Variants in FIP1L1 observed in about 807,000 individuals in gnomAD.
FIP1L1 encodes pre-mRNA 3'-end-processing factor FIP1.
A neutral mutation model predicts 84.6 loss-of-function variants in FIP1L1; 21 were observed. The ratio of observed to expected loss-of-function variants is 0.25; its 90% CI spans 0.18 to 0.36. The LOEUF is 0.36. FIP1L1 is among the 10% of genes least tolerant of loss of function. The pLI, the probability that FIP1L1 is intolerant of heterozygous loss-of-function variation, is 1.00. For synonymous variants in FIP1L1, 263 were observed against 242.3 expected, an observed-to-expected ratio of 1.09 and a Z score of -0.80; for missense variants, 526 against 751.1, an observed-to-expected ratio of 0.70 and a Z score of 3.50.
chr4:53,451,711 T>A (rs1351822893), intron 15 of FIP1L1, among the ~76,000 whole-genome samples: 1 of 152,076 alleles, frequency 6.6e-6, no homozygotes, highest in African/African-American at 2.4e-5. Flanking sequence ...TTATATCCTA[T>A]TGTGGTTCAT....
At chr4:53,390,473 T>C (rs28575132) in intron 6 of FIP1L1, 48 bp from the exon 7 acceptor site, 87,274 of 1,179,902 alleles carry the variant, frequency 0.074, 8,223 homozygotes, top group African/African-American at 0.32. Context: ...TGGTATCGCC[T>C]GGCTTCTTGC....
intron 10 of FIP1L1, among the ~76,000 whole-genome samples, chr4:53,400,959 A>G (rs1187479675): frequency 6.6e-6 from 1 of 152,200 alleles, no homozygotes; most frequent in Admixed American, 6.5e-5. Context: ...TCTGCAGTAT[A>G]GAGTGATGGT....
At chr4:53,453,816 A>G (rs1478203102) in intron 16 of FIP1L1, among the ~76,000 whole-genome samples, 2 of 152,114 alleles carry the variant, frequency 1.3e-5, no homozygotes, top group Non-Finnish European at 2.9e-5. Context: ...GCCCAGGCTC[A>G]CTCTCTTAAA....
At chr4:53,458,236 T>G (rs1287956511) in intron 16 of FIP1L1, among the ~76,000 whole-genome samples, 1 of 152,184 alleles carries the variant, frequency 6.6e-6, no homozygotes, top group East Asian at 1.9e-4. Context: ...GTCCAAGACT[T>G]TCCAAGAATA....
intron 10 of FIP1L1, among the ~76,000 whole-genome samples, chr4:53,406,358 C>T (rs1225532373): frequency 6.6e-6 from 1 of 152,148 alleles, no homozygotes; most frequent in African/African-American, 2.4e-5. Flanking sequence ...AGGGATGAAG[C>T]CCACTTGATC....
chr4:53,436,184 C>A (rs376053016), intron 13 of FIP1L1, among the ~76,000 whole-genome samples: 4 of 152,142 alleles, frequency 2.6e-5, no homozygotes, highest in Non-Finnish European at 4.4e-5. Context: ...ACAAGTTACT[C>A]CAGAATGTAG....
chr4:53,440,436 G>C lies in FIP1L1; in HGVS notation c.1175-2217G>C, dbSNP rs141663383. 318 of 549,624 alleles carry C rather than the reference G, an allele frequency of 5.8e-4. No individual in the cohort carries two copies. In the East Asian group the frequency reaches 8.9e-3, roughly 15 times the overall value. 34.0% of individuals were successfully genotyped at this position (549,624 alleles called of 1,614,324 possible). A position where few individuals can be genotyped will look rare whatever the true frequency, so the allele number is the denominator to read the frequency against. On this transcript the variant is annotated intron_variant, in intron 13 of 17. Coordinates refer to ENST00000337488, the MANE Select transcript of FIP1L1 (RefSeq NM_030917.4). ...TATACTCGAATTGTTAGTCCTCTAC[G>C]AGAAAACAGAATGGTTCTCTTGAGT...
rs763569318 is a variant in FIP1L1, at chr4:53,425,920, C to T, written c.972C>T (p.Ser324=). 5.0e-6 allele frequency: 8 copies of T among 1,611,948 alleles called. 1 individual carries two copies. In the South Asian group the frequency reaches 8.8e-5, roughly 18 times the overall value. The change falls in exon 12 of 18, where the codon AGC becomes AGT. Residue 324 remains serine, a synonymous_variant. Coordinates refer to ENST00000337488, the MANE Select transcript of FIP1L1 (RefSeq NM_030917.4). The part of the protein sequence containing the change: ...IDVIGQTITI[S]RVEGRRRANE... ...TTATCGGTCAGACTATAACTATCAG[C>T]CGAGTAGAAGGCAGGCGACGGGCAA... is the stretch of plus-strand genomic sequence containing the variant.
intron 16 of FIP1L1, among the ~76,000 whole-genome samples, chr4:53,456,211 G>C (rs1330918621): frequency 6.6e-6 from 1 of 152,076 alleles, no homozygotes; most frequent in East Asian, 1.9e-4. Flanking sequence ...AAATTGCTTT[G>C]CCAAGCAGGA....
At chr4:53,449,321 A>T (rs1775466581) in intron 15 of FIP1L1, among the ~76,000 whole-genome samples, 1 of 152,120 alleles carries the variant, frequency 6.6e-6, no homozygotes, top group African/African-American at 2.4e-5. Context: ...CCAAGGGCTT[A>T]TAAAACTATG....
rs1735381865 is a variant in FIP1L1 at position 53,377,871 on chromosome 4, G to A, written c.33G>A (p.Ser11=). Residue 11 remains serine (S), a synonymous_variant, in exon 1 of 18, where the codon TCG becomes TCA. Coordinates refer to ENST00000337488, the MANE Select transcript of FIP1L1 (RefSeq NM_030917.4). MSAGEVERLV[S]ELSGGTGGDE... is the part of the protein sequence containing the mutation. ...CCGGCGAGGTCGAGCGCCTAGTGTCGGAGCTGAGCGGCGGGACCGGAGGGG... is the reference window on the plus strand; with the variant it reads ...CCGGCGAGGTCGAGCGCCTAGTGTCAGAGCTGAGCGGCGGGACCGGAGGGG... The A allele has an allele frequency of 1.2e-6, 2 of 1,601,778 alleles. No homozygotes were observed. The highest frequency in any genetic ancestry group is 1.3e-5 in the African/African-American group (1 of 74,554).
At position 53,414,618 on chromosome 4, in the gene FIP1L1, C is replaced by T; in HGVS notation, c.819C>T (p.Asn273=). The change falls in exon 11 of 18, where the codon AAC becomes AAT. Residue 273 remains asparagine, a synonymous_variant. Coordinates refer to ENST00000337488, the MANE Select transcript of FIP1L1 (RefSeq NM_030917.4). ...CATAGAAAATTTATCTCACCAGAAA[C>T]AGCACTTCTTCTCAGTCTCAGACAA... ...LFKTGLPPSR[N]STSSQSQTST... is the part of the protein sequence containing the mutation. 6.2e-7 allele frequency: 1 copy of T among 1,606,754 alleles called. No homozygotes were observed. Among genetic ancestry groups the T allele is most frequent in the Non-Finnish European group, 8.5e-7 (1 of 1,175,154 alleles).
intron 10 of FIP1L1, among the ~76,000 whole-genome samples, chr4:53,413,990 C>T (rs983528615): frequency 6.6e-6 from 1 of 152,068 alleles, no homozygotes; most frequent in Non-Finnish European, 1.5e-5. Flanking sequence ...GTATATATAT[C>T]CTGTTGCTTT....
At chr4:53,393,915 T>C (rs1745857352) in intron 9 of FIP1L1, among the ~76,000 whole-genome samples, 1 of 151,960 alleles carries the variant, frequency 6.6e-6, no homozygotes, top group Non-Finnish European at 1.5e-5. Flanking sequence ...ATGGAACACT[T>C]TCTTCTTTTA....
At position 53,459,712 on chromosome 4, in the gene FIP1L1, A is replaced by G. The variant is rs1721421073; in HGVS notation, c.*263A>G. 2.0e-6 allele frequency: 1 copy of G among 489,846 alleles called. No homozygotes were observed. Among genetic ancestry groups the G allele is most frequent in the Non-Finnish European group, 3.7e-6 (1 of 271,314 alleles). 30.3% of individuals were successfully genotyped at this position (489,846 alleles called of 1,614,324 possible). ...GAATGAGTCACTTAACAGGGAATCT[A>G]AAGAGCTGTGTTAGCTGTGTACATA... On this transcript the variant is annotated 3_prime_UTR_variant, in exon 18 of 18. Coordinates refer to ENST00000337488, the MANE Select transcript of FIP1L1 (RefSeq NM_030917.4).
intron 13 of FIP1L1, chr4:53,440,538 C>T: frequency 7.8e-7 from 1 of 1,284,212 alleles, no homozygotes; most frequent in South Asian, 1.3e-5. Flanking sequence ...ATAACAGGTT[C>T]TGAAATCCAA....
In FIP1L1 at chr4:53,391,708, G is replaced by A. The variant is rs768967137; in HGVS notation, c.705+210G>A. On this transcript the variant is annotated intron_variant, in intron 9 of 17. Transcript: ENST00000337488. ...ATAGCCTATTATACTAACAAATGCC[G>A]AGTAAAACTATTGTTTGCTATATGT... is the stretch of plus-strand genomic sequence containing the variant. Among the ~76,000 whole-genome samples the A allele has an allele frequency of 9.2e-5, 14 of 152,092 alleles. No individual in the cohort carries two copies. In the South Asian group the frequency reaches 2.1e-3, roughly 23 times the overall value.
intron 16 of FIP1L1, among the ~76,000 whole-genome samples, chr4:53,457,588 T>TTTA (rs1719942202): frequency 6.6e-6 from 1 of 152,146 alleles, no homozygotes; most frequent in Non-Finnish European, 1.5e-5. Flanking sequence ...TGGCTTATAG[T>TTTA]TGTCACCTGA....
chr4:53,406,859 C>T (rs1408491984), intron 10 of FIP1L1, among the ~76,000 whole-genome samples: 13 of 152,092 alleles, frequency 8.5e-5, no homozygotes, highest in African/African-American at 2.9e-4. Flanking sequence ...GGTGATATCC[C>T]CTTTGTCATT....
Sources: allele counts gnomAD v4.1 joint callset (sites outside exome capture counted in the v4.1 genomes callset), GRCh38; gene constraint gnomAD v4.1.1; transcripts MANE v1.5; gene names NCBI Gene and HGNC (gene_info 2026-07-23, HGNC 2026-07-21).